The following ZNF620 variants were observed in gnomAD, a reference collection of about 807,000 sequenced individuals.
The protein encoded by ZNF620 is zinc finger protein 620.
A neutral mutation model predicts 13.3 loss-of-function variants in ZNF620; 10 were observed. The ratio of observed to expected loss-of-function variants is 0.75; its 90% CI spans 0.46 to 1.28. The LOEUF (loss-of-function observed/expected upper bound fraction) is 1.28. Ranked by LOEUF, ZNF620 falls within the 50% of genes most tolerant of loss-of-function variation. The pLI, the probability that ZNF620 is intolerant of heterozygous loss-of-function variation, is 0.00. For synonymous variants in ZNF620, 166 were observed against 177.6 expected (o/e 0.93, Z 0.52); for missense variants, 461 against 500.2 (o/e 0.92, Z 0.75).
chr3:40,509,595 C>G (rs540398382), intron 2 of ZNF620, among the ~76,000 whole-genome samples: 1 of 152,188 alleles, frequency 6.6e-6, no homozygotes, highest in African/African-American at 2.4e-5. Context: ...TCTTTTCAGT[C>G]TTTCCAAATG....
Position 40,515,812 on chromosome 3 carries a change from GT to G in ZNF620, c.266-47del, listed in dbSNP as rs748743339. On this transcript the variant is annotated intron_variant, in intron 4 of 4. Coordinates refer to ENST00000314529, the MANE Select transcript of ZNF620 (RefSeq NM_175888.4). ...TGTGTGTGTGTGTGTGTGTGTGTGT[GT>G]GTGTGTGATATCAGGGACTGACATT... 1,016 of 1,446,144 alleles carry G rather than the reference GT, an allele frequency of 7.0e-4. 10 individuals are homozygous for G. The highest frequency in any genetic ancestry group is 1.5e-3 in the Middle Eastern group (8 of 5,424). 89.6% of individuals were successfully genotyped at this position (1,446,144 alleles called of 1,614,324 possible). A position where few individuals can be genotyped will look rare whatever the true frequency, so the allele number is the denominator to read the frequency against.
At position 40,511,497 on chromosome 3, in the gene ZNF620, G is replaced by T; in HGVS notation, c.52G>T (p.Val18Leu). The part of the protein sequence containing the change: ...QEPVTFEDVA[V>L]YFTQNEWASL... The stretch of plus-strand genomic sequence containing the variant: ...ACCAGTGACCTTTGAGGATGTGGCT[G>T]TGTACTTCACCCAGAATGAATGGGC... The change falls in exon 3 of 5, where the codon GTG (valine) becomes TTG (leucine). Residue 18 changes from valine to leucine, a missense_variant. Physicochemically the swap from Val to Leu is conservative, Grantham distance 32. Coordinates refer to ENST00000314529, the MANE Select transcript of ZNF620 (RefSeq NM_175888.4). 6.2e-7 allele frequency: 1 copy of T among 1,613,628 alleles called. No individual in the cohort carries two copies. Among genetic ancestry groups the T allele is most frequent in the South Asian group, 1.1e-5 (1 of 91,078 alleles).
At chr3:40,508,308 T>G (rs1044919678) in intron 2 of ZNF620, among the ~76,000 whole-genome samples, 5 of 152,180 alleles carry the variant, frequency 3.3e-5, no homozygotes, top group African/African-American at 9.6e-5. Flanking sequence ...TTTTTTTGTT[T>G]TGTAAAATAG....
chr3:40,514,273 C>T (rs914773622), intron 4 of ZNF620, among the ~76,000 whole-genome samples: 3 of 152,152 alleles, frequency 2.0e-5, no homozygotes, highest in African/African-American at 4.8e-5. Context: ...CTCTCCGCCT[C>T]GGCTACCAAA....
chr3:40,516,070 A>T lies in ZNF620; in HGVS notation c.476A>T (p.His159Leu). The change falls in exon 5 of 5, where the codon CAT (histidine) becomes CTT (leucine). Residue 159 changes from histidine (H) to leucine (L), a missense_variant. His to Leu is a moderately conservative substitution (Grantham distance 99). Coordinates refer to ENST00000314529, the MANE Select transcript of ZNF620 (RefSeq NM_175888.4). ...RHFTDTSARH[H>L]EAYEVKNGEK... ...TTCACAGATACCTCAGCCAGGCACC[A>T]TGAGGCCTATGAGGTCAAGAATGGA... is the stretch of plus-strand genomic sequence containing the variant. The T allele has an allele frequency of 6.2e-7, 1 of 1,614,192 alleles. No individual in the cohort carries two copies. The highest frequency in any genetic ancestry group is 8.5e-7 in the Non-Finnish European group (1 of 1,180,010).
At chr3:40,507,175 T>A (rs1486455025) in intron 2 of ZNF620, among the ~76,000 whole-genome samples, 1 of 130,626 alleles carries the variant, frequency 7.7e-6, no homozygotes, top group Non-Finnish European at 1.6e-5. Context: ...CACTGCACCC[T>A]CCACCTCTGG....
chr3:40,510,233 G>A (rs569223864), intron 2 of ZNF620, among the ~76,000 whole-genome samples: 3 of 152,176 alleles, frequency 2.0e-5, no homozygotes, highest in East Asian at 1.9e-4. Context: ...GGCTGGTCTC[G>A]AACTTCTGAG....
At position 40,515,819 on chromosome 3, in the gene ZNF620, T is replaced by TGTGTGTGA. The variant is rs762958426; in HGVS notation, c.266-40_266-39insTGTGTGAG. 2.1e-5 allele frequency: 14 copies of TGTGTGTGA among 652,042 alleles called. No individual in the cohort carries two copies. In the African/African-American group the frequency reaches 2.6e-4, roughly 12 times the overall value. The allele number at this position is 652,042 out of a possible 1,614,324, so 40.4% of individuals were successfully genotyped here. On this transcript the variant is annotated intron_variant, in intron 4 of 4. Transcript: ENST00000314529. Reference sequence around the variant, plus strand: ...GTGTGTGTGTGTGTGTGTGTGTGTGTGATATCAGGGACTGACATTTGTATT... The same window carrying TGTGTGTGA: ...GTGTGTGTGTGTGTGTGTGTGTGTGTGTGTGTGAGATATCAGGGACTGACATTTGTATT...
intron 1 of ZNF620, 70 bp downstream of exon 1, chr3:40,506,208 G>A (rs1698010119): frequency 4.8e-6 from 5 of 1,038,188 alleles, no homozygotes; most frequent in Non-Finnish European, 7.3e-6. Flanking sequence ...GGGGTGAGGA[G>A]TTGGCGGAAA....
chr3:40,516,325 T>C lies in ZNF620; in HGVS notation c.731T>C (p.Ile244Thr). The change falls in exon 5 of 5, where the codon ATA (isoleucine) becomes ACA (threonine). Residue 244 changes from isoleucine to threonine, a missense_variant. By Grantham distance (89) the Ile-to-Thr change is moderately conservative (BLOSUM62 -1). Transcript: ENST00000314529. ...RYNSLLIRHQ[I>T]IHTGKKPFKC... is the part of the protein sequence containing the mutation. ...AACTCATTACTTATTCGGCATCAGA[T>C]AATTCACACTGGAAAGAAACCATTT... 1 of 1,614,214 alleles carries C rather than the reference T, an allele frequency of 6.2e-7. No individual in the cohort carries two copies. The highest frequency in any genetic ancestry group is 8.5e-7 in the Non-Finnish European group (1 of 1,180,040).
chr3:40,514,769 C>A (rs1698320388), intron 4 of ZNF620, among the ~76,000 whole-genome samples: 1 of 152,154 alleles, frequency 6.6e-6, no homozygotes, highest in Admixed American at 6.5e-5. Context: ...GAGACTCTAT[C>A]TCAAAAATAA....
In ZNF620 at chr3:40,515,952, C is replaced by A. The variant is rs35217513; in HGVS notation, c.358C>A (p.Pro120Thr). 29,935 of 1,613,988 alleles carry A rather than the reference C, an allele frequency of 0.019. 775 individuals carry two copies. The highest frequency in any genetic ancestry group is 0.13 in the East Asian group (5,900 of 44,880). The change falls in exon 5 of 5, where the codon CCA (proline) becomes ACA (threonine). Residue 120 changes from proline (P) to threonine (T), a missense_variant. By Grantham distance (38) the Pro-to-Thr change is conservative. Coordinates refer to ENST00000314529, the MANE Select transcript of ZNF620 (RefSeq NM_175888.4). Reference sequence around the variant, plus strand: ...CTTCAGACTGATGGTGGGGGGCCTGCCAGGGAATGTTTCCCAGCACCTTGA... The same window carrying A: ...CTTCAGACTGATGGTGGGGGGCCTGACAGGGAATGTTTCCCAGCACCTTGA... ...ESFRLMVGGL[P>T]GNVSQHLDFG...
chr3:40,512,482 A>G lies in ZNF620; in HGVS notation c.232A>G (p.Met78Val), dbSNP rs761225767. 2.9e-5 allele frequency: 47 copies of G among 1,613,868 alleles called. No homozygotes were observed. Among genetic ancestry groups the G allele is most frequent in the Non-Finnish European group, 3.6e-5 (42 of 1,179,972 alleles). Residue 78 changes from methionine (M) to valine (V), a missense_variant, in exon 4 of 5, where the codon ATG becomes GTG. Physicochemically the swap from Met to Val is conservative, Grantham distance 21 (BLOSUM62 1). Coordinates refer to ENST00000314529, the MANE Select transcript of ZNF620 (RefSeq NM_175888.4). ...ATGGGGCCTCGATCCCTGGGAACCT[A>G]TGGGCAGGGAGGCTCTCAGAGGTAT... ...LPWGLDPWEP[M>V]GREALRGICP...
chr3:40,506,476 T>A, intron 2 of ZNF620, 100 bp downstream of exon 2: 1 of 1,350,306 alleles, frequency 7.4e-7, no homozygotes, highest in African/African-American at 1.4e-5. Context: ...GCCAGTGGCT[T>A]CCATTGTGCA....
chr3:40,515,814 G>A (rs780349088), intron 4 of ZNF620, 46 bp from the exon 5 acceptor site: 10 of 1,432,058 alleles, frequency 7.0e-6, no homozygotes, highest in Non-Finnish European at 3.8e-6. Flanking sequence ...GTGTGTGTGT[G>A]TGTGTGATAT....
intron 4 of ZNF620, among the ~76,000 whole-genome samples, chr3:40,515,581 G>T (rs574259769): frequency 6.6e-6 from 1 of 152,182 alleles, no homozygotes; most frequent in Non-Finnish European, 1.5e-5. Context: ...AACAGTCTTT[G>T]CAGTTTTCTG....
rs1698385377 is a variant in ZNF620, at chr3:40,516,366, G to A, written c.772G>A (p.Gly258Arg). ...GAAACCATTTAAATGTAAAGAATGTGGAAAAGGTTTAAGTTCAGACACAGC... is the reference window on the plus strand; with the variant it reads ...GAAACCATTTAAATGTAAAGAATGTAGAAAAGGTTTAAGTTCAGACACAGC... ...GKKPFKCKEC[G>R]KGLSSDTALI... Residue 258 changes from glycine to arginine, a missense_variant, in exon 5 of 5, where the codon GGA becomes AGA. Coordinates refer to ENST00000314529, the MANE Select transcript of ZNF620 (RefSeq NM_175888.4). 1 of 1,614,234 alleles carries A rather than the reference G, an allele frequency of 6.2e-7. No individual in the cohort carries two copies. Among genetic ancestry groups the A allele is most frequent in the Non-Finnish European group, 8.5e-7 (1 of 1,180,036 alleles).
At chr3:40,515,817 TG>T in intron 4 of ZNF620, 42 bp from the exon 5 acceptor site, 226 of 1,085,958 alleles carry the variant, frequency 2.1e-4, no homozygotes, top group Non-Finnish European at 2.7e-4. Context: ...TGTGTGTGTG[TG>T]TGATATCAGG....
At chr3:40,508,171 C>G (rs1698088720) in intron 2 of ZNF620, among the ~76,000 whole-genome samples, 1 of 151,806 alleles carries the variant, frequency 6.6e-6, no homozygotes, top group African/African-American at 2.4e-5. Context: ...CATTACTTTT[C>G]TGTTTTATGT....
Sources: allele counts gnomAD v4.1 joint callset (sites outside exome capture counted in the v4.1 genomes callset), GRCh38; gene constraint gnomAD v4.1.1; transcripts MANE v1.5; gene names NCBI Gene and HGNC (gene_info 2026-07-23, HGNC 2026-07-21).